The following PDE9A variants were observed in gnomAD, a reference collection of about 807,000 sequenced individuals.
The protein encoded by PDE9A is phosphodiesterase 9A, also known as high affinity cGMP-specific 3',5'-cyclic phosphodiesterase 9A.
PDE9A carries 60 observed loss-of-function variants against 87.4 expected under a neutral mutation model. The observed-to-expected ratio is 0.69, with a 90% CI of 0.56 to 0.85. The LOEUF (loss-of-function observed/expected upper bound fraction) is 0.85. Ranked by LOEUF, PDE9A falls within the 40% of genes least tolerant of loss-of-function variation. PDE9A has a pLI of 0.00. For synonymous variants in PDE9A, 272 were observed against 279.4 expected (o/e 0.97, Z 0.27); for missense variants, 665 against 779.0 (o/e 0.85, Z 1.74).
rs1245634732 is a variant in PDE9A at position 42,722,963 on chromosome 21, G to A, written c.263-8807G>A. 6.6e-6 allele frequency among the ~76,000 whole-genome samples: 1 copy of A among 152,242 alleles called. No homozygotes were observed. The highest frequency in any genetic ancestry group is 1.5e-5 in the Non-Finnish European group (1 of 68,038). On this transcript the variant is annotated intron_variant, in intron 4 of 19. Transcript: ENST00000291539. This position sits in a 1 kb window ranked among gnomAD's most constrained non-coding sequence, Gnocchi z 4.1. ...TGAACTATCCACTCAGACCAAGGAG[G>A]AGTCAGGCAATGGCTTCTGGGCATC...
intron 1 of PDE9A, among the ~76,000 whole-genome samples, chr21:42,673,850 G>A (rs2146006569): frequency 6.6e-6 from 1 of 152,350 alleles, no homozygotes; most frequent in Admixed American, 6.5e-5. Flanking sequence ...CCTGCGACTC[G>A]CTGGCCTGCA....
rs73905755 is a variant in PDE9A, at chr21:42,707,747, A to G, written c.262+8736A>G. Among the ~76,000 whole-genome samples, 618 of 152,320 alleles carry G rather than the reference A, an allele frequency of 4.1e-3. 4 individuals carry two copies. The highest frequency in any genetic ancestry group is 0.014 in the African/African-American group (575 of 41,574). On this transcript the variant is annotated intron_variant, in intron 4 of 19. Coordinates refer to ENST00000291539, the MANE Select transcript of PDE9A (RefSeq NM_002606.3). ...TGGATGAAATAGCCTTAGGAGAGCT[A>G]CTTAACCCCACTGAACTTCCATTTC...
chr21:42,654,636 C>G (rs1254978606), intron 1 of PDE9A, among the ~76,000 whole-genome samples: 6 of 152,170 alleles, frequency 3.9e-5, no homozygotes, highest in Non-Finnish European at 8.8e-5. Flanking sequence ...TTCAGGAAGC[C>G]CTTGCAGCTG....
At chr21:42,657,405 G>A (rs908769557) in intron 1 of PDE9A, among the ~76,000 whole-genome samples, 1 of 152,244 alleles carries the variant, frequency 6.6e-6, no homozygotes, top group African/African-American at 2.4e-5. Flanking sequence ...CCCAAACCTA[G>A]GGTGCTGAGG....
chr21:42,679,671 G>A (rs1168203404), intron 1 of PDE9A, among the ~76,000 whole-genome samples: 11 of 152,212 alleles, frequency 7.2e-5, no homozygotes, highest in East Asian at 1.9e-4. Context: ...GCCTTTCCAC[G>A]GAGGGCCCAA....
intron 9 of PDE9A, among the ~76,000 whole-genome samples, chr21:42,752,806 T>C (rs545181824): frequency 1.3e-4 from 20 of 152,352 alleles, no homozygotes; most frequent in African/African-American, 4.3e-4. Flanking sequence ...CACAGCCTTC[T>C]GTCCTTGTGA....
At chr21:42,678,637 G>A (rs1003379883) in intron 1 of PDE9A, among the ~76,000 whole-genome samples, 2 of 152,254 alleles carry the variant, frequency 1.3e-5, no homozygotes, top group African/African-American at 4.8e-5. Context: ...TCACATATGT[G>A]AATGCGTGTG....
Position 42,694,660 on chromosome 21 carries a change from T to G in PDE9A, c.219-4308T>G, listed in dbSNP as rs1515756. Among the ~76,000 whole-genome samples the G allele has an allele frequency of 0.71, 107,889 of 152,118 alleles. 39,790 individuals carry two copies. Among genetic ancestry groups the G allele is most frequent in the East Asian group, 0.94 (4,874 of 5,170 alleles). On this transcript the variant is annotated intron_variant, in intron 3 of 19. Coordinates refer to ENST00000291539, the MANE Select transcript of PDE9A (RefSeq NM_002606.3). The surrounding 1 kb of genome is among the most constrained non-coding windows in gnomAD (Gnocchi z 5.3). The stretch of plus-strand genomic sequence containing the variant: ...TTTAGATTTTGGTGGCTGGCTCCTG[T>G]TGTGGACCGCATCTCACAGGTGGAC...
intron 14 of PDE9A, among the ~76,000 whole-genome samples, chr21:42,763,334 G>A (rs957703697): frequency 7.2e-5 from 11 of 152,102 alleles, no homozygotes; most frequent in Non-Finnish European, 1.3e-4. Flanking sequence ...AGATCAGTGT[G>A]GATTGTCTAA....
chr21:42,752,540 A>T lies in PDE9A; in HGVS notation c.735+1343A>T, dbSNP rs143956027. Among the ~76,000 whole-genome samples, 121 of 152,334 alleles carry T rather than the reference A, an allele frequency of 7.9e-4. 3 individuals carry two copies. Among genetic ancestry groups the T allele is most frequent in the East Asian group, 1.3e-3 (7 of 5,186 alleles). ...CACCTCAGCATCCCAAAGTGCTGGG[A>T]TTACAGGCGTAAGCCAGCCCAGCCT... On this transcript the variant is annotated intron_variant, in intron 9 of 19. Transcript: ENST00000291539.
chr21:42,714,709 TTCATA>T (rs2146503608), intron 4 of PDE9A, among the ~76,000 whole-genome samples: 5 of 149,016 alleles, frequency 3.4e-5, no homozygotes, highest in South Asian at 4.5e-4. Flanking sequence ...CCAGTCTTTG[TTCATA>T]TGGTTGGGGT....
chr21:42,751,026 G>A, intron 8 of PDE9A, 90 bp from the exon 9 acceptor site: 1 of 851,944 alleles, frequency 1.2e-6, no homozygotes, highest in Non-Finnish European at 2.0e-6. Context: ...GGGGCTTGGG[G>A]GTTGGGTTTG....
At position 42,759,620 on chromosome 21, in the gene PDE9A, G is replaced by A. The variant is rs1247388504; in HGVS notation, c.897+535G>A. On this transcript the variant is annotated intron_variant, in intron 11 of 19. Coordinates refer to ENST00000291539, the MANE Select transcript of PDE9A (RefSeq NM_002606.3). This position sits in a 1 kb window ranked among gnomAD's most constrained non-coding sequence, Gnocchi z 7.2. ...GTGTGAATGTGTGGTGGGAGTGTGT[G>A]GGGTGGGAGTAGGAGTGTGGAGGTG... is the stretch of plus-strand genomic sequence containing the variant. Among the ~76,000 whole-genome samples, 1 of 151,270 alleles carries A rather than the reference G, an allele frequency of 6.6e-6. No homozygotes were observed. Among genetic ancestry groups the A allele is most frequent in the East Asian group, 1.9e-4 (1 of 5,150 alleles).
At chr21:42,658,577 A>G (rs912001991) in intron 1 of PDE9A, among the ~76,000 whole-genome samples, 1 of 152,178 alleles carries the variant, frequency 6.6e-6, no homozygotes, top group Admixed American at 6.5e-5. Context: ...CTCAGCCCAC[A>G]CGCGCAGTGC....
At chr21:42,657,110 G>A (rs766547032) in intron 1 of PDE9A, among the ~76,000 whole-genome samples, 10 of 152,366 alleles carry the variant, frequency 6.6e-5, no homozygotes, top group Middle Eastern at 3.4e-3. Context: ...CCTGACGATC[G>A]GCTTTGCAGG....
At chr21:42,768,372 G>A (rs1002198982) in intron 16 of PDE9A, 80 bp downstream of exon 16, 36 of 1,104,732 alleles carry the variant, frequency 3.3e-5, no homozygotes, top group Admixed American at 7.5e-5. Context: ...AAACGAGCAC[G>A]CCTGGGTGGT....
intron 4 of PDE9A, among the ~76,000 whole-genome samples, chr21:42,703,556 T>C (rs562315725): frequency 1.3e-5 from 2 of 152,152 alleles, no homozygotes; most frequent in South Asian, 4.1e-4. Context: ...AGAGCATCGC[T>C]GGGAGCAGAG....
At chr21:42,755,378 C>G (rs1215802050) in intron 10 of PDE9A, among the ~76,000 whole-genome samples, 1 of 152,204 alleles carries the variant, frequency 6.6e-6, no homozygotes, top group Non-Finnish European at 1.5e-5. Flanking sequence ...GCCAGAAAAG[C>G]AAAGCTCCAG....
chr21:42,747,328 G>A (rs1358778844), intron 8 of PDE9A, among the ~76,000 whole-genome samples: 1 of 152,072 alleles, frequency 6.6e-6, no homozygotes, highest in Non-Finnish European at 1.5e-5. Flanking sequence ...GGGGTGGGGG[G>A]CCTTCCCGAG....
Sources: allele counts gnomAD v4.1 joint callset (sites outside exome capture counted in the v4.1 genomes callset), GRCh38; gene constraint gnomAD v4.1.1; non-coding constraint Gnocchi (gnomAD v3.1); transcripts MANE v1.5; gene names NCBI Gene and HGNC (gene_info 2026-07-23, HGNC 2026-07-21).